Variants in CDH1 observed in about 807,000 individuals in gnomAD.
The protein encoded by CDH1 is cadherin-1.
CDH1 carries 35 observed loss-of-function variants against 84.5 expected under a neutral mutation model. That is an observed-to-expected ratio of 0.41 (90% CI 0.32 to 0.55). CDH1 has a LOEUF of 0.55. Ranked by LOEUF, CDH1 falls within the 20% of genes least tolerant of loss-of-function variation. The probability of loss-of-function intolerance (pLI) is 0.19; values close to 1 mark genes in which losing one functional copy is unlikely to be tolerated. For missense variants in CDH1, 994 were observed against 1,126.6 expected, an observed-to-expected ratio of 0.88 and a Z score of 1.68; for synonymous variants, 417 against 439.0, an observed-to-expected ratio of 0.95 and a Z score of 0.63.
intron 14 of CDH1, 84 bp downstream of exon 14, chr16:68,828,388 C>T: frequency 7.1e-7 from 1 of 1,404,884 alleles, no homozygotes; most frequent in South Asian, 1.2e-5. Flanking sequence ...GCATTTGAAA[C>T]AGCTCTGAAT....
intron 2 of CDH1, among the ~76,000 whole-genome samples, chr16:68,800,007 CA>C (rs1396446687): frequency 2.3e-5 from 3 of 131,150 alleles, no homozygotes; most frequent in Non-Finnish European, 3.2e-5. Flanking sequence ...GAGACTGTCT[CA>C]AAAAAAATTA....
intron 2 of CDH1, among the ~76,000 whole-genome samples, chr16:68,751,575 T>A (rs1277284555): frequency 6.6e-6 from 1 of 152,186 alleles, no homozygotes; most frequent in Non-Finnish European, 1.5e-5. Flanking sequence ...CAATCTCGGC[T>A]CACTGCAACC....
rs10500545 is a variant in CDH1 at position 68,823,948 on chromosome 16, A to T, written c.2164+322A>T. Among the ~76,000 whole-genome samples the T allele has an allele frequency of 0.07, 10,546 of 149,712 alleles. 1,071 individuals carry two copies. The highest frequency in any genetic ancestry group is 0.22 in the African/African-American group (8,929 of 40,452). On this transcript the variant is annotated intron_variant, in intron 13 of 15. Transcript: ENST00000261769. ...TCTGGGCCTCTTTTTGAACTGGGAA[A>T]TCTGATCCAGGAGGTCTGGCATAGG... is the stretch of plus-strand genomic sequence containing the variant.
intron 3 of CDH1, among the ~76,000 whole-genome samples, chr16:68,803,745 G>C (rs187075225): frequency 6.6e-6 from 1 of 152,226 alleles, no homozygotes; most frequent in Non-Finnish European, 1.5e-5. Flanking sequence ...CACATCTCTT[G>C]AACTTTGTTT....
intron 2 of CDH1, among the ~76,000 whole-genome samples, chr16:68,746,348 A>T (rs531065436): frequency 2.6e-5 from 4 of 151,904 alleles, no homozygotes; most frequent in Non-Finnish European, 4.4e-5. Flanking sequence ...CTGCTTGAAC[A>T]CGGGAGGTGG....
At chr16:68,746,429 T>G (rs1485722989) in intron 2 of CDH1, among the ~76,000 whole-genome samples, 1 of 150,808 alleles carries the variant, frequency 6.6e-6, no homozygotes, top group Non-Finnish European at 1.5e-5. Flanking sequence ...CATCTCTAAA[T>G]AAATAAAATA....
chr16:68,745,525 T>A (rs1597844710), intron 2 of CDH1, among the ~76,000 whole-genome samples: 1 of 26,660 alleles, frequency 3.8e-5, no homozygotes, highest in African/African-American at 7.4e-5. Context: ...CTGATAGAGA[T>A]CCTGTCTCAA....
At position 68,750,708 on chromosome 16, in the gene CDH1, GT is replaced by G. The variant is rs760443205; in HGVS notation, c.163+12315del. Among the ~76,000 whole-genome samples, 887 of 136,902 alleles carry G rather than the reference GT, an allele frequency of 6.5e-3. 1 individual carries two copies. The highest frequency in any genetic ancestry group is 0.016 in the Middle Eastern group (4 of 258). 89.8% of individuals were successfully genotyped at this position (136,902 alleles called of 152,430 possible). A position where few individuals can be genotyped will look rare whatever the true frequency, so the allele number is the denominator to read the frequency against. On this transcript the variant is annotated intron_variant, in intron 2 of 15. Coordinates refer to ENST00000261769, the MANE Select transcript of CDH1 (RefSeq NM_004360.5). ...CGCCTGTACACCTTCTTTCTCCTTG[GT>G]TTTTTTTTTTTTTTTTTAAGACAGG...
chr16:68,791,390 C>G (rs1411307653), intron 2 of CDH1, among the ~76,000 whole-genome samples: 1 of 152,124 alleles, frequency 6.6e-6, no homozygotes, highest in Non-Finnish European at 1.5e-5. Flanking sequence ...GCTTATATTT[C>G]TCTATTACAC....
intron 2 of CDH1, among the ~76,000 whole-genome samples, chr16:68,764,563 G>T (rs1248691030): frequency 1.3e-5 from 2 of 152,188 alleles, no homozygotes; most frequent in Non-Finnish European, 2.9e-5. Context: ...GCGATAGAGT[G>T]AGACTCCATC....
chr16:68,745,576 G>GTTTGTGTAATA (rs1962711263), intron 2 of CDH1, among the ~76,000 whole-genome samples: 1 of 29,666 alleles, frequency 3.4e-5, no homozygotes, highest in African/African-American at 1.3e-4. Flanking sequence ...ATATATATAT[G>GTTTGTGTAATA]TATGTGTAAT....
chr16:68,755,501 C>T (rs913204870), intron 2 of CDH1, among the ~76,000 whole-genome samples: 2 of 151,854 alleles, frequency 1.3e-5, no homozygotes, highest in African/African-American at 4.8e-5. Flanking sequence ...CCGCCTTGGC[C>T]TCCCAAAGTG....
Position 68,833,376 on chromosome 16 carries a change from T to C in CDH1, c.2526T>C (p.Ala842=). The change falls in exon 16 of 16, where the codon GCT becomes GCC. Residue 842 remains alanine, a synonymous_variant. Coordinates refer to ENST00000261769, the MANE Select transcript of CDH1 (RefSeq NM_004360.5). ...ACTATGAAGGAAGCGGTTCCGAAGC[T>C]GCTAGTCTGAGCTCCCTGAACTCCT... ...VFDYEGSGSE[A]ASLSSLNSSE... is the part of the protein sequence containing the mutation. The C allele has an allele frequency of 3.1e-6, 5 of 1,614,216 alleles. No homozygotes were observed. Among genetic ancestry groups the C allele is most frequent in the South Asian group, 1.1e-5 (1 of 91,084 alleles).
rs1269786119 is a variant in CDH1 at position 68,821,998 on chromosome 16, T to G, written c.1712-3T>G. Reference sequence around the variant, plus strand: ...GCCACATTTTCTGTGTATTTTCTCTTAGGTTCTCCAGTTGCTACTGGAACA... The same window carrying G: ...GCCACATTTTCTGTGTATTTTCTCTGAGGTTCTCCAGTTGCTACTGGAACA... On this transcript the variant is annotated splice_polypyrimidine_tract_variant and splice_region_variant and intron_variant, in intron 11 of 15. Transcript: ENST00000261769. 1.9e-6 allele frequency: 3 copies of G among 1,612,772 alleles called. No homozygotes were observed. The Admixed American group carries it at 5.0e-5, about 27-fold the overall frequency.
At chr16:68,740,469 A>C (rs1021782602) in intron 2 of CDH1, among the ~76,000 whole-genome samples, 3 of 151,766 alleles carry the variant, frequency 2.0e-5, no homozygotes, top group African/African-American at 7.3e-5. Flanking sequence ...TTTTGATGTC[A>C]GTGGGCATTG....
At chr16:68,750,927 A>G (rs1376907209) in intron 2 of CDH1, among the ~76,000 whole-genome samples, 2 of 151,768 alleles carry the variant, frequency 1.3e-5, no homozygotes, top group Non-Finnish European at 2.9e-5. Context: ...CTGGTCTGGA[A>G]CTCCTGGGCT....
intron 5 of CDH1, 147 bp downstream of exon 5, chr16:68,808,995 A>G (rs752967316): frequency 1.1e-5 from 8 of 747,660 alleles, no homozygotes; most frequent in Non-Finnish European, 1.6e-5. Flanking sequence ...AGGAGAAGTG[A>G]TGGGAGAACG....
intron 2 of CDH1, among the ~76,000 whole-genome samples, chr16:68,789,913 G>A (rs1271992140): frequency 1.1e-4 from 17 of 152,078 alleles, no homozygotes; most frequent in East Asian, 1.9e-4. Flanking sequence ...AAAATTAACC[G>A]GGCATGGTGG....
At chr16:68,795,981 G>A (rs1206029381) in intron 2 of CDH1, among the ~76,000 whole-genome samples, 2 of 151,614 alleles carry the variant, frequency 1.3e-5, no homozygotes, top group East Asian at 4.0e-4. Context: ...GGCCAACATA[G>A]TGAAACCCCG....
Sources: gnomAD v4.1 joint callset for allele counts (sites outside exome capture counted in the v4.1 genomes callset) on GRCh38, gnomAD v4.1.1 for gene constraint, MANE v1.5 for transcripts, NCBI Gene and HGNC (gene_info 2026-07-23, HGNC 2026-07-21) for gene names.